Variants in CBR4 observed in about 807,000 individuals in gnomAD.
The protein encoded by CBR4 is carbonyl reductase 4, also known as 3-oxoacyl-[acyl-carrier-protein] reductase.
CBR4 carries 22 observed loss-of-function variants against 21.0 expected under a neutral mutation model. The observed-to-expected ratio is 1.05, with a 90% CI of 0.75 to 1.50. The LOEUF is 1.50. Among genes scored for constraint, CBR4 ranks in the 40% most tolerant of loss-of-function variants. The pLI, the probability that CBR4 is intolerant of heterozygous loss-of-function variation, is 0.00. For synonymous variants in CBR4, 100 were observed against 104.4 expected (o/e 0.96, Z 0.26); for missense variants, 302 against 286.3 (o/e 1.05, Z -0.40).
At chr4:168,972,598 T>C (rs1442554060) in intron 2 of CBR4, among the ~76,000 whole-genome samples, 1 of 152,222 alleles carries the variant, frequency 6.6e-6, no homozygotes, top group African/African-American at 2.4e-5. Context: ...TGTTGGTGTA[T>C]AGCAGTGATA....
intron 2 of CBR4, among the ~76,000 whole-genome samples, chr4:168,954,835 C>T: frequency 6.6e-6 from 1 of 152,078 alleles, no homozygotes; most frequent in East Asian, 1.9e-4. Flanking sequence ...CAGCAGAAAA[C>T]AATCAGTCAA....
At chr4:168,953,335 A>T (rs1418771839) in intron 2 of CBR4, among the ~76,000 whole-genome samples, 2 of 152,064 alleles carry the variant, frequency 1.3e-5, no homozygotes, top group Non-Finnish European at 2.9e-5. Flanking sequence ...TGTCCTCAGT[A>T]TTTCTATTTC....
At chr4:168,990,534 A>C (rs1764866922) in intron 4 of CBR4, among the ~76,000 whole-genome samples, 1 of 151,982 alleles carries the variant, frequency 6.6e-6, no homozygotes. Context: ...CCTCTGGGGC[A>C]CAGGTGATCC....
chr4:168,894,840 G>A, intron 2 of CBR4: 2 of 1,123,058 alleles, frequency 1.8e-6, no homozygotes, highest in Non-Finnish European at 2.5e-6. Flanking sequence ...AATTTTTATT[G>A]AGCACATACT....
At chr4:168,934,291 A>AAAAAAAAAAAAAC (rs1763048988) in intron 2 of CBR4, among the ~76,000 whole-genome samples, 1 of 149,034 alleles carries the variant, frequency 6.7e-6, no homozygotes, top group Admixed American at 6.7e-5. Flanking sequence ...ACAAAAAAAA[A>AAAAAAAAAAAAAC]AAAAAAAAAA....
intron 2 of CBR4, chr4:168,924,233 A>G: frequency 3.2e-6 from 5 of 1,574,668 alleles, no homozygotes; most frequent in Non-Finnish European, 4.4e-6. Flanking sequence ...ATTGATAGAG[A>G]ATTCATCTCA....
At chr4:169,008,056 T>C (rs776168440) in intron 1 of CBR4, among the ~76,000 whole-genome samples, 1 of 152,234 alleles carries the variant, frequency 6.6e-6, no homozygotes, top group Non-Finnish European at 1.5e-5. Context: ...CTAATATTTA[T>C]AGCTTTAACA....
chr4:168,974,408 A>G lies in CBR4; in HGVS notation n.169+27663T>C, dbSNP rs1400515877. Among the ~76,000 whole-genome samples the G allele has an allele frequency of 5.9e-5, 9 of 152,170 alleles. No individual in the cohort carries two copies. The South Asian group carries it at 1.2e-3, about 21-fold the overall frequency. On this transcript the variant is annotated intron_variant and non_coding_transcript_variant, in intron 2 of 3. Transcript: ENST00000509108. ...GCCTAGGTGATGATGTTTTGTGAAG[A>G]ATTTTCCAGGTGTTCTTTGAGGTTC...
chr4:168,996,384 T>G (rs1185105898), intron 4 of CBR4, among the ~76,000 whole-genome samples: 2 of 152,138 alleles, frequency 1.3e-5, no homozygotes, highest in African/African-American at 4.8e-5. Context: ...AACGTTCAGA[T>G]AGATCCCATG....
Position 169,002,117 on chromosome 4 carries a change from A to G in CBR4, c.489T>C (p.Ala163=), listed in dbSNP as rs370639494. Residue 163 remains alanine (A), a synonymous_variant, in exon 4 of 5, where the codon GCT becomes GCC. Coordinates refer to ENST00000306193, the MANE Select transcript of CBR4 (RefSeq NM_032783.5). ...GGLVGFSRAL[A]KEVARKKIRV... is the part of the protein sequence containing the mutation. ...TAATTTTCTTTCTTGCTACCTCTTTAGCAAGAGCACGTGAAAATCCAACTA... is the reference window on the plus strand; with the variant it reads ...TAATTTTCTTTCTTGCTACCTCTTTGGCAAGAGCACGTGAAAATCCAACTA... 2.5e-5 allele frequency: 40 copies of G among 1,600,086 alleles called. No homozygotes were observed. The highest frequency in any genetic ancestry group is 3.2e-5 in the Non-Finnish European group (37 of 1,174,006).
At chr4:168,922,469 C>G (rs7699067) in intron 2 of CBR4, among the ~76,000 whole-genome samples, 188 of 152,282 alleles carry the variant, frequency 1.2e-3, no homozygotes, top group African/African-American at 4.1e-3. Flanking sequence ...CAGAGCAAAT[C>G]TTCTCTGAAT....
intron 1 of CBR4, 103 bp downstream of exon 1, chr4:169,009,845 C>G (rs1022393710): frequency 8.9e-7 from 1 of 1,128,314 alleles, no homozygotes. Context: ...CATCGAGTAA[C>G]CCTAGAGCCC....
intron 2 of CBR4, among the ~76,000 whole-genome samples, chr4:168,897,747 C>T (rs1755530822): frequency 6.6e-6 from 1 of 152,140 alleles, no homozygotes; most frequent in South Asian, 2.1e-4. Context: ...GCCACTGTAC[C>T]TGGCCTTTAA....
intron 4 of CBR4, among the ~76,000 whole-genome samples, chr4:168,991,103 A>C (rs1403371540): frequency 1.3e-5 from 2 of 152,158 alleles, no homozygotes; most frequent in Middle Eastern, 3.2e-3. Context: ...TCAAGACACC[A>C]AGCCTACATT....
intron 2 of CBR4, chr4:168,904,013 T>G: frequency 8.8e-7 from 1 of 1,140,718 alleles, no homozygotes; most frequent in South Asian, 1.3e-5. Context: ...TTCTTTGATT[T>G]ATGAAACTAT....
chr4:168,958,012 TG>T (rs1560963253), intron 2 of CBR4, among the ~76,000 whole-genome samples: 1 of 152,184 alleles, frequency 6.6e-6, no homozygotes, highest in Non-Finnish European at 1.5e-5. Context: ...TGCGGAACTA[TG>T]AGTAATTAAA....
chr4:168,915,197 G>T (rs1759855867), intron 2 of CBR4, among the ~76,000 whole-genome samples: 1 of 152,058 alleles, frequency 6.6e-6, no homozygotes, highest in Non-Finnish European at 1.5e-5. Context: ...GCTTTTCCTA[G>T]TTAAGTGTTT....
intron 3 of CBR4, chr4:169,005,918 T>C: frequency 7.8e-7 from 1 of 1,285,704 alleles, no homozygotes; most frequent in South Asian, 1.2e-5. Flanking sequence ...CTGTGGCCTT[T>C]TAAGGTATTA....
Position 168,989,912 on chromosome 4 carries a change from G to C in CBR4, c.*238C>G. On this transcript the variant is annotated 3_prime_UTR_variant, in exon 5 of 5. Transcript: ENST00000306193. ...TGTGTGATTATATGGTATGTGAATTGTATCTCATGAAGGCTTTTTAAACAA... is the reference window on the plus strand; with the variant it reads ...TGTGTGATTATATGGTATGTGAATTCTATCTCATGAAGGCTTTTTAAACAA... The C allele has an allele frequency of 8.7e-7, 1 of 1,148,192 alleles. No homozygotes were observed. Among genetic ancestry groups the C allele is most frequent in the East Asian group, 4.1e-5 (1 of 24,642 alleles). The allele number at this position is 1,148,192 out of a possible 1,614,324, so 71.1% of individuals were successfully genotyped here. A position where few individuals can be genotyped will look rare whatever the true frequency, so the allele number is the denominator to read the frequency against.
Sources: gnomAD v4.1 joint callset for allele counts (sites outside exome capture counted in the v4.1 genomes callset) on GRCh38, gnomAD v4.1.1 for gene constraint, MANE v1.5 for transcripts, NCBI Gene and HGNC (gene_info 2026-07-23, HGNC 2026-07-21) for gene names.